Variants in PLCB1 observed in about 807,000 individuals in gnomAD.
PLCB1 encodes the protein 1-phosphatidylinositol 4,5-bisphosphate phosphodiesterase beta-1.
PLCB1 carries 46 observed loss-of-function variants against 161.8 expected under a neutral mutation model. The ratio of observed to expected loss-of-function variants is 0.28; its 90% CI spans 0.22 to 0.36. PLCB1 has a LOEUF of 0.36. Ranked by LOEUF, PLCB1 falls within the 10% of genes least tolerant of loss-of-function variation. PLCB1 has a pLI of 1.00. For missense variants in PLCB1, 1,016 were observed against 1,472.5 expected (o/e 0.69, Z 5.07); for synonymous variants, 517 against 503.7 (o/e 1.03, Z -0.35).
chr20:8,873,557 A>G (rs1235882970), intron 31 of PLCB1, among the ~76,000 whole-genome samples: 2 of 152,090 alleles, frequency 1.3e-5, no homozygotes, highest in African/African-American at 2.4e-5. Flanking sequence ...TAATCACATT[A>G]CCATAAAAGT....
At chr20:8,160,072 A>G (rs1166503264) in intron 2 of PLCB1, among the ~76,000 whole-genome samples, 1 of 152,064 alleles carries the variant, frequency 6.6e-6, no homozygotes, top group East Asian at 1.9e-4. Context: ...AAGTTCTCTA[A>G]ATCTCCAGGG....
At chr20:8,352,659 T>C (rs1362424053) in intron 2 of PLCB1, among the ~76,000 whole-genome samples, 1 of 152,038 alleles carries the variant, frequency 6.6e-6, no homozygotes, top group East Asian at 1.9e-4. Flanking sequence ...AGTTGCTAAC[T>C]GAAGTAACTG....
At chr20:8,356,668 G>A (rs1377826224) in intron 2 of PLCB1, among the ~76,000 whole-genome samples, 1 of 152,106 alleles carries the variant, frequency 6.6e-6, no homozygotes, top group Admixed American at 6.5e-5. Flanking sequence ...GGTACATAGA[G>A]TCTTCTGTAC....
intron 18 of PLCB1, 31 bp downstream of exon 18, chr20:8,729,205 G>C: frequency 1.9e-6 from 3 of 1,552,158 alleles, no homozygotes; most frequent in Non-Finnish European, 2.6e-6. Context: ...ATTCTGCTAT[G>C]AACTCACATT....
intron 3 of PLCB1, among the ~76,000 whole-genome samples, chr20:8,459,759 T>C (rs1043217930): frequency 1.3e-5 from 2 of 152,216 alleles, no homozygotes; most frequent in African/African-American, 4.8e-5. Flanking sequence ...TTGCCTATTG[T>C]ATCCAAGGTT....
intron 25 of PLCB1, among the ~76,000 whole-genome samples, chr20:8,760,922 G>C (rs1981988133): frequency 6.6e-6 from 1 of 152,174 alleles, no homozygotes; most frequent in South Asian, 2.1e-4. Context: ...ATTGGTACAA[G>C]CTTTGTGCAG....
intron 12 of PLCB1, among the ~76,000 whole-genome samples, chr20:8,709,955 T>G (rs1978902949): frequency 6.6e-6 from 1 of 152,228 alleles, no homozygotes; most frequent in Non-Finnish European, 1.5e-5. Flanking sequence ...TAGTTTGCTT[T>G]GCAACTAGGT....
rs772062413 is a variant in PLCB1 at position 8,551,940 on chromosome 20, T to C, written c.247-76354T>C. ...AAATGCAACCTGAGAGAGAAGGTCA[T>C]GGTTTTCACAAAAGGCTGTGGTTAC... On this transcript the variant is annotated intron_variant, in intron 3 of 31. Coordinates refer to ENST00000338037, the MANE Select transcript of PLCB1 (RefSeq NM_015192.4). 4.2e-4 allele frequency among the ~76,000 whole-genome samples: 64 copies of C among 152,352 alleles called. 1 individual carries two copies. Among genetic ancestry groups the C allele is most frequent in the Admixed American group, 2.9e-3 (44 of 15,304 alleles).
chr20:8,371,003 C>T lies in PLCB1; in HGVS notation c.178-379C>T, dbSNP rs1382966711. On this transcript the variant is annotated intron_variant, in intron 2 of 31. Transcript: ENST00000338037. ...TGTGAGCCGATGGGAGCATCCCACT[C>T]CGTCCTCCTCCCTAATCTTTCTCTC... 1.7e-5 allele frequency: 3 copies of T among 173,736 alleles called. No individual in the cohort carries two copies. In the East Asian group the frequency reaches 4.8e-4, roughly 28 times the overall value. The allele number at this position is 173,736 out of a possible 1,614,324, so 10.8% of individuals were successfully genotyped here.
chr20:8,275,570 T>C (rs1180132629), intron 2 of PLCB1, among the ~76,000 whole-genome samples: 1 of 152,204 alleles, frequency 6.6e-6, no homozygotes, highest in African/African-American at 2.4e-5. Flanking sequence ...GAAATTTCTG[T>C]TATTTTCTTA....
intron 23 of PLCB1, chr20:8,752,143 A>G (rs1981512853): frequency 6.6e-6 from 1 of 152,152 alleles, no homozygotes; most frequent in Non-Finnish European, 1.5e-5. Context: ...AATTATGTTT[A>G]CATGTAGACA....
At chr20:8,681,086 GTATATATATATATATATA>G (rs202198416) in intron 9 of PLCB1, among the ~76,000 whole-genome samples, 3 of 73,854 alleles carry the variant, frequency 4.1e-5, no homozygotes, top group African/African-American at 5.5e-5. Context: ...ATGTGTGTGT[GTATATATATATATATATA>G]TATATATATA....
At chr20:8,804,959 C>T (rs1057291533) in intron 31 of PLCB1, among the ~76,000 whole-genome samples, 6 of 133,542 alleles carry the variant, frequency 4.5e-5, no homozygotes, top group African/African-American at 8.5e-5. Context: ...CAAGGTTGCA[C>T]CATTGCACTC....
intron 3 of PLCB1, among the ~76,000 whole-genome samples, chr20:8,510,732 A>C (rs1211982838): frequency 2.0e-5 from 3 of 152,140 alleles, no homozygotes; most frequent in Admixed American, 6.5e-5. Flanking sequence ...TTTACTGATC[A>C]CACAGAACTG....
intron 27 of PLCB1, among the ~76,000 whole-genome samples, chr20:8,778,783 A>C (rs1205385799): frequency 1.3e-5 from 2 of 152,220 alleles, no homozygotes; most frequent in African/African-American, 4.8e-5. Flanking sequence ...TAAAGCCTGA[A>C]TATCTTGGAA....
At chr20:8,558,178 T>C (rs770934391) in intron 3 of PLCB1, among the ~76,000 whole-genome samples, 11 of 151,946 alleles carry the variant, frequency 7.2e-5, no homozygotes, top group Non-Finnish European at 1.2e-4. Flanking sequence ...TATCATTGGA[T>C]TGTTTGAAGC....
At chr20:8,182,130 A>G (rs185075658) in intron 2 of PLCB1, among the ~76,000 whole-genome samples, 1 of 152,354 alleles carries the variant, frequency 6.6e-6, no homozygotes, top group Non-Finnish European at 1.5e-5. Context: ...TCTGAGACAC[A>G]GATCAAAAGT....
chr20:8,636,814 G>A (rs1166650736), intron 4 of PLCB1, among the ~76,000 whole-genome samples: 1 of 152,192 alleles, frequency 6.6e-6, no homozygotes, highest in East Asian at 1.9e-4. Flanking sequence ...ATTTCAGACT[G>A]TGGGTTACTG....
intron 31 of PLCB1, among the ~76,000 whole-genome samples, chr20:8,844,522 T>C (rs1986619460): frequency 6.6e-6 from 1 of 151,930 alleles, no homozygotes; most frequent in African/African-American, 2.4e-5. Context: ...GTTCAAGGCA[T>C]TGAGCTATGA....
Sources: allele counts gnomAD v4.1 joint callset (sites outside exome capture counted in the v4.1 genomes callset), GRCh38; gene constraint gnomAD v4.1.1; transcripts MANE v1.5; gene names NCBI Gene and HGNC (gene_info 2026-07-23, HGNC 2026-07-21).